Variants in CTNNA3 observed in about 807,000 individuals in gnomAD.
CTNNA3 encodes the protein catenin alpha 3.
In CTNNA3, 76 loss-of-function variants were observed where a neutral mutation model predicts 95.7. That is an observed-to-expected ratio of 0.79 (90% CI 0.66 to 0.96). The LOEUF is 0.96. CTNNA3 is among the 40% of genes least tolerant of loss of function. The pLI is 0.00. For synonymous variants in CTNNA3, 431 were observed against 374.4 expected, an observed-to-expected ratio of 1.15 and a Z score of -1.74; for missense variants, 1,191 against 1,089.8, an observed-to-expected ratio of 1.09 and a Z score of -1.31.
chr10:66,293,674 T>C (rs1450838244), intron 12 of CTNNA3, among the ~76,000 whole-genome samples: 2 of 151,130 alleles, frequency 1.3e-5, no homozygotes, highest in Non-Finnish European at 2.9e-5. Flanking sequence ...TTTCTTTTTT[T>C]TTTTTTTCTG....
intron 13 of CTNNA3, among the ~76,000 whole-genome samples, chr10:66,252,050 ACTT>A (rs1454131883): frequency 6.6e-6 from 1 of 152,174 alleles, no homozygotes; most frequent in South Asian, 2.1e-4. Context: ...TCACAGAGTC[ACTT>A]CTTTGAGACA....
chr10:66,311,363 A>G (rs911955628), intron 12 of CTNNA3, among the ~76,000 whole-genome samples: 7 of 152,166 alleles, frequency 4.6e-5, no homozygotes, highest in African/African-American at 1.7e-4. Context: ...AGAGAATCAC[A>G]CCCAGGTGTA....
At chr10:66,376,978 G>GA (rs1290588662) in intron 12 of CTNNA3, among the ~76,000 whole-genome samples, 1 of 152,118 alleles carries the variant, frequency 6.6e-6, no homozygotes, top group African/African-American at 2.4e-5. Context: ...CCATGGGAAA[G>GA]AAAATTTTCA....
intron 12 of CTNNA3, among the ~76,000 whole-genome samples, chr10:66,353,099 T>C (rs2092579622): frequency 6.6e-6 from 1 of 152,118 alleles, no homozygotes; most frequent in African/African-American, 2.4e-5. Context: ...AAATGATATA[T>C]ATATGCTTCT....
At chr10:67,324,654 G>A (rs978260859) in intron 5 of CTNNA3, among the ~76,000 whole-genome samples, 12 of 151,284 alleles carry the variant, frequency 7.9e-5, no homozygotes, top group African/African-American at 2.7e-4. Flanking sequence ...TTTTGTTGAG[G>A]ATTTTTGCAT....
chr10:67,401,544 C>G (rs901143815), intron 5 of CTNNA3, among the ~76,000 whole-genome samples: 3 of 152,086 alleles, frequency 2.0e-5, no homozygotes, highest in Admixed American at 2.0e-4. Context: ...GGGGATTGGT[C>G]CAGTAAGGAT....
chr10:65,957,801 C>A (rs919092460), intron 17 of CTNNA3, among the ~76,000 whole-genome samples: 6 of 152,162 alleles, frequency 3.9e-5, no homozygotes, highest in African/African-American at 1.4e-4. Flanking sequence ...CGACCTTTCT[C>A]TCTGGTTGCC....
chr10:67,757,669 G>A (rs1205626249), intron 1 of CTNNA3, among the ~76,000 whole-genome samples: 1 of 151,520 alleles, frequency 6.6e-6, no homozygotes, highest in Non-Finnish European at 1.5e-5. Flanking sequence ...GTTTGCCAGG[G>A]GCTCTCAGGC....
At chr10:66,491,579 C>T (rs1839924404) in intron 11 of CTNNA3, among the ~76,000 whole-genome samples, 2 of 152,170 alleles carry the variant, frequency 1.3e-5, no homozygotes, top group Middle Eastern at 7.0e-3. Context: ...TTTCAGATCT[C>T]CTATATGAAG....
chr10:66,629,644 A>T (rs1263022786), intron 9 of CTNNA3, among the ~76,000 whole-genome samples: 1 of 151,946 alleles, frequency 6.6e-6, no homozygotes, highest in African/African-American at 2.4e-5. Flanking sequence ...TCACCTTTCC[A>T]TCCCCACATC....
chr10:66,075,416 T>C (rs998337465), intron 14 of CTNNA3, among the ~76,000 whole-genome samples: 1 of 151,762 alleles, frequency 6.6e-6, no homozygotes, highest in Non-Finnish European at 1.5e-5. Context: ...ATAATAAATT[T>C]ATAGGAGTTG....
chr10:66,384,054 C>T (rs1035911568), intron 11 of CTNNA3, among the ~76,000 whole-genome samples: 1 of 152,076 alleles, frequency 6.6e-6, no homozygotes, highest in African/African-American at 2.4e-5. Flanking sequence ...GGCAAAATAG[C>T]CAGCGAACAT....
At chr10:67,394,918 G>A (rs2132784824) in intron 5 of CTNNA3, among the ~76,000 whole-genome samples, 1 of 152,046 alleles carries the variant, frequency 6.6e-6, no homozygotes. Context: ...TGGCTTATAT[G>A]CCCAAAGATG....
chr10:67,509,861 C>G (rs1433202954), intron 5 of CTNNA3, among the ~76,000 whole-genome samples: 1 of 152,096 alleles, frequency 6.6e-6, no homozygotes, highest in Non-Finnish European at 1.5e-5. Context: ...CTGTTGTTTC[C>G]TGACTTTTTA....
At position 67,444,292 on chromosome 10, in the gene CTNNA3, G is replaced by A. The variant is rs1048848568; in HGVS notation, c.579+77550C>T. On this transcript the variant is annotated intron_variant, in intron 5 of 17. Coordinates refer to ENST00000433211, the MANE Select transcript of CTNNA3 (RefSeq NM_013266.4). ...AAAATTAAACAATATACTCCTGAATGACTAGTGGGTCAATGAAAAAATTAA... is the reference window on the plus strand; with the variant it reads ...AAAATTAAACAATATACTCCTGAATAACTAGTGGGTCAATGAAAAAATTAA... 5.9e-5 allele frequency among the ~76,000 whole-genome samples: 9 copies of A among 152,212 alleles called. No individual in the cohort carries two copies. The East Asian group carries it at 1.7e-3, about 29-fold the overall frequency.
At chr10:66,151,860 T>C (rs999457152) in intron 13 of CTNNA3, among the ~76,000 whole-genome samples, 10 of 152,038 alleles carry the variant, frequency 6.6e-5, no homozygotes, top group Non-Finnish European at 2.9e-5. Flanking sequence ...TAATAAGTTA[T>C]AGCTTAATCA....
At chr10:66,303,309 A>G (rs1564851642) in intron 12 of CTNNA3, among the ~76,000 whole-genome samples, 1 of 152,152 alleles carries the variant, frequency 6.6e-6, no homozygotes, top group Non-Finnish European at 1.5e-5. Flanking sequence ...TCTGGAAGAA[A>G]AAAAAGAAAC....
chr10:67,675,182 T>C (rs1014579920), intron 1 of CTNNA3, among the ~76,000 whole-genome samples: 1 of 152,124 alleles, frequency 6.6e-6, no homozygotes, highest in Admixed American at 6.6e-5. Flanking sequence ...TGATTATCTT[T>C]TCCTTATTAA....
At chr10:65,968,860 C>T (rs2078034330) in intron 16 of CTNNA3, among the ~76,000 whole-genome samples, 1 of 152,176 alleles carries the variant, frequency 6.6e-6, no homozygotes, top group Non-Finnish European at 1.5e-5. Flanking sequence ...TTGGTACCCA[C>T]TCACTGGATT....
Sources: gnomAD v4.1 joint callset for allele counts (sites outside exome capture counted in the v4.1 genomes callset) on GRCh38, gnomAD v4.1.1 for gene constraint, MANE v1.5 for transcripts, NCBI Gene and HGNC (gene_info 2026-07-23, HGNC 2026-07-21) for gene names.